FREM1: variants seen among roughly 807,000 people sequenced by gnomAD.
FREM1 encodes the protein FRAS1-related extracellular matrix protein 1.
FREM1 carries 220 observed loss-of-function variants against 210.1 expected under a neutral mutation model. The ratio of observed to expected loss-of-function variants is 1.05; its 90% confidence interval spans 0.94 to 1.17. FREM1 has a LOEUF of 1.17. Among genes scored for constraint, FREM1 ranks in the 50% most tolerant of loss-of-function variants. FREM1 has a pLI of 0.00. For synonymous variants in FREM1, 1,189 were observed against 980.2 expected (o/e 1.21, Z -3.98); for missense variants, 3,454 against 2,675.5 (o/e 1.29, Z -6.42).
intron 21 of FREM1, 58 bp downstream of exon 21, chr9:14,797,440 T>C: frequency 7.0e-7 from 1 of 1,436,394 alleles, no homozygotes; most frequent in Non-Finnish European, 9.5e-7. Flanking sequence ...GTACCTAGTA[T>C]TGTAGATTTC....
chr9:14,828,827 TC>T (rs1823000733), intron 10 of FREM1, among the ~76,000 whole-genome samples: 1 of 152,210 alleles, frequency 6.6e-6, no homozygotes, highest in South Asian at 2.1e-4. Context: ...TGAGTCTCTC[TC>T]CCAGACTGAA....
chr9:14,880,595 C>A, intron 1 of FREM1, among the ~76,000 whole-genome samples: 2 of 113,728 alleles, frequency 1.8e-5, no homozygotes, highest in South Asian at 2.7e-4. Context: ...CAGAGTGAGA[C>A]TGTCTCAAAA....
At chr9:14,896,499 C>T (rs764693604) in intron 1 of FREM1, among the ~76,000 whole-genome samples, 8 of 146,530 alleles carry the variant, frequency 5.5e-5, no homozygotes, top group East Asian at 4.0e-4. Flanking sequence ...TAGCTGAGAT[C>T]GCACCACTGC....
chr9:14,851,374 T>G lies in FREM1; in HGVS notation c.1062A>C (p.Pro354=), dbSNP rs745637879. ...YVTHLLDHTR[P]ISSFTWKDLS... ...GATCTTTCCAGGTGAATGAGGAGAT[T>G]GGTCTGGTGTGATCCAACAGGTGAG... The change falls in exon 6 of 37, where the codon CCA becomes CCC. Residue 354 remains proline, a synonymous_variant. Transcript: ENST00000380880. 3 of 1,613,538 alleles carry G rather than the reference T, an allele frequency of 1.9e-6. No individual in the cohort carries two copies. Among genetic ancestry groups the G allele is most frequent in the Admixed American group, 3.3e-5 (2 of 59,980 alleles).
At chr9:14,899,812 C>T (rs951652) in intron 1 of FREM1, among the ~76,000 whole-genome samples, 161 of 152,266 alleles carry the variant, frequency 1.1e-3, no homozygotes, top group African/African-American at 3.5e-3. Context: ...TCCCTGAGCA[C>T]GGCAAAAACT....
chr9:14,836,127 C>A lies in FREM1; in HGVS notation c.1881+5320G>T, dbSNP rs143131733. On this transcript the variant is annotated intron_variant, in intron 10 of 36. Coordinates refer to ENST00000380880, the MANE Select transcript of FREM1 (RefSeq NM_001379081.2). The surrounding 1 kb of genome is among the most constrained non-coding windows in gnomAD (Gnocchi z 4.9). ...AAATAAAACCAAGGAACTTCATAGA[C>A]CCCCAAAGGGGAGTTCTCTATCTTG... Among the ~76,000 whole-genome samples the A allele has an allele frequency of 1.3e-5, 2 of 152,292 alleles. No individual in the cohort carries two copies. The highest frequency in any genetic ancestry group is 3.9e-4 in the East Asian group (2 of 5,176).
chr9:14,750,538 A>T (rs1020595998), intron 29 of FREM1, among the ~76,000 whole-genome samples: 3 of 152,196 alleles, frequency 2.0e-5, no homozygotes, highest in Admixed American at 6.5e-5. Context: ...TAAAAAAAAA[A>T]TGGTTATTAG....
At chr9:14,876,555 G>C (rs186645935) in intron 1 of FREM1, among the ~76,000 whole-genome samples, 1 of 152,284 alleles carries the variant, frequency 6.6e-6, no homozygotes, top group African/African-American at 2.4e-5. Context: ...GGGTGGGAGT[G>C]ACCCAATCTT....
chr9:14,752,328 A>C (rs547653578), intron 29 of FREM1, among the ~76,000 whole-genome samples: 1 of 152,322 alleles, frequency 6.6e-6, no homozygotes, highest in East Asian at 1.9e-4. Flanking sequence ...ACATAAGTAA[A>C]GACAGGAAGA....
At chr9:14,782,131 G>A (rs1035014952) in intron 24 of FREM1, among the ~76,000 whole-genome samples, 3 of 152,188 alleles carry the variant, frequency 2.0e-5, no homozygotes, top group Admixed American at 2.0e-4. Flanking sequence ...CAGATTTCTG[G>A]GCCTGAGACT....
At chr9:14,762,041 A>G (rs1231752520) in intron 27 of FREM1, among the ~76,000 whole-genome samples, 5 of 152,342 alleles carry the variant, frequency 3.3e-5, no homozygotes, top group African/African-American at 4.8e-5. Flanking sequence ...TGCACTTTAG[A>G]CATCTGCTGG....
chr9:14,880,760 A>T (rs1588562107), intron 1 of FREM1, among the ~76,000 whole-genome samples: 1 of 152,190 alleles, frequency 6.6e-6, no homozygotes. Flanking sequence ...TTATGAACAA[A>T]TTTTTTATGG....
At chr9:14,783,416 T>C (rs1283783465) in intron 24 of FREM1, among the ~76,000 whole-genome samples, 1 of 152,232 alleles carries the variant, frequency 6.6e-6, no homozygotes. Flanking sequence ...GACTGTATTG[T>C]GACGTGGTGA....
Position 14,855,039 on chromosome 9 carries a change from CT to C in FREM1, c.828+2513del, listed in dbSNP as rs1286540535. 4.0e-5 allele frequency among the ~76,000 whole-genome samples: 6 copies of C among 151,584 alleles called. No individual in the cohort carries two copies. The East Asian group carries it at 9.7e-4, about 24-fold the overall frequency. The stretch of plus-strand genomic sequence containing the variant: ...GGATACTGATAAAAATCCTTAGGGG[CT>C]TTTTTTTAAACTAACATAAATGATT... On this transcript the variant is annotated intron_variant, in intron 5 of 36. Coordinates refer to ENST00000380880, the MANE Select transcript of FREM1 (RefSeq NM_001379081.2).
At chr9:14,839,300 A>G (rs927173628) in intron 10 of FREM1, among the ~76,000 whole-genome samples, 4 of 152,198 alleles carry the variant, frequency 2.6e-5, no homozygotes, top group Admixed American at 1.3e-4. Context: ...CAGAGATTCC[A>G]GCTAGTTATT....
chr9:14,823,267 A>T lies in FREM1; in HGVS notation c.2230T>A (p.Cys744Ser), dbSNP rs1821715932. The change falls in exon 13 of 37, where the codon TGC becomes AGC. Residue 744 changes from cysteine (C) to serine (S), a missense_variant. Physicochemically the swap from Cys to Ser is moderately radical, Grantham distance 112. Transcript: ENST00000380880. ...MPPMQDIGPH[C>S]RDVQFTFSVS... The stretch of plus-strand genomic sequence containing the variant: ...GAAAATGTGAACTGGACATCTCTGC[A>T]ATGGGGACCAATGTCTTGCATGGGG... The T allele has an allele frequency of 6.2e-7, 1 of 1,613,974 alleles. No homozygotes were observed. The highest frequency in any genetic ancestry group is 8.5e-7 in the Non-Finnish European group (1 of 1,179,836).
Position 14,910,089 on chromosome 9 carries a change from A to G in FREM1, c.-443T>C, listed in dbSNP as rs567493226. The G allele has an allele frequency of 6.6e-6, 1 of 152,344 alleles. No homozygotes were observed. The highest frequency in any genetic ancestry group is 2.4e-5 in the African/African-American group (1 of 41,578). The allele number at this position is 152,344 out of a possible 1,614,324, so 9.4% of individuals were successfully genotyped here. On this transcript the variant is annotated 5_prime_UTR_variant, in exon 1 of 37. Transcript: ENST00000380880. ...CAGTCTTTCAGGTCAGCTGTGTTTG[A>G]GATTTCTTTTTACTAAAAATCCATT... is the stretch of plus-strand genomic sequence containing the variant.
At chr9:14,752,849 C>CCAAA (rs200424771) in intron 29 of FREM1, among the ~76,000 whole-genome samples, 5,995 of 151,984 alleles carry the variant, frequency 0.039, 258 homozygotes, top group African/African-American at 0.1. Context: ...ATAGTACCCC[C>CCAAA]CAAACAAACA....
intron 3 of FREM1, among the ~76,000 whole-genome samples, chr9:14,860,771 A>ATG (rs1270560859): frequency 1.0e-4 from 11 of 109,844 alleles, no homozygotes; most frequent in African/African-American, 3.0e-4. Context: ...GCACATATAT[A>ATG]CACATATATA....
Sources: gnomAD v4.1 joint callset for allele counts (sites outside exome capture counted in the v4.1 genomes callset) on GRCh38, gnomAD v4.1.1 for gene constraint, Gnocchi (gnomAD v3.1) non-coding constraint, MANE v1.5 for transcripts, NCBI Gene and HGNC (gene_info 2026-07-23, HGNC 2026-07-21) for gene names.